PSD2: variants seen among roughly 807,000 people sequenced by gnomAD.
PSD2 encodes PH and SEC7 domain-containing protein 2.
Under a neutral mutation model 69.8 loss-of-function variants are expected in PSD2, and 38 were observed. The observed-to-expected ratio is 0.54, with a 90% CI of 0.42 to 0.71. The LOEUF (loss-of-function observed/expected upper bound fraction) is 0.71, where lower values mean the gene tolerates loss of function less well. Among genes scored for constraint, PSD2 ranks in the 30% least tolerant of loss-of-function variants. The pLI is 0.00. For synonymous variants in PSD2, 412 were observed against 423.0 expected, an observed-to-expected ratio of 0.97 and a Z score of 0.32; for missense variants, 943 against 1,014.5, an observed-to-expected ratio of 0.93 and a Z score of 0.96.
the PSD2 span, among the ~76,000 whole-genome samples, chr5:139,754,744 G>A: frequency 6.6e-6 from 1 of 151,920 alleles, no homozygotes; most frequent in African/African-American, 2.4e-5. Flanking sequence ...CAGTATGGTG[G>A]CACCCACCTG....
intron 1 of PSD2, among the ~76,000 whole-genome samples, chr5:139,803,402 C>T (rs1382978731): frequency 2.0e-5 from 3 of 152,222 alleles, no homozygotes; most frequent in Non-Finnish European, 2.9e-5. Flanking sequence ...CAGCTTGGTT[C>T]CTTGCAGCCC....
the PSD2 span, among the ~76,000 whole-genome samples, chr5:139,786,677 A>G: frequency 6.6e-6 from 1 of 152,068 alleles, no homozygotes; most frequent in African/African-American, 2.4e-5. Context: ...GGAGCATTTC[A>G]CATTTCACCA....
chr5:139,783,943 C>CTTTTTTTTTTTTTTTTTTTTTTTTTTT, the PSD2 span, among the ~76,000 whole-genome samples: 35 of 87,884 alleles, frequency 4.0e-4, 2 homozygotes, highest in Non-Finnish European at 5.0e-4. Flanking sequence ...TCTGCTAGCT[C>CTTTTTTTTTTTTTTTTTTTTTTTTTTT]TTTTTTTTTT....
At chr5:139,823,953 CA>C (rs1760340930) in intron 7 of PSD2, among the ~76,000 whole-genome samples, 1 of 152,180 alleles carries the variant, frequency 6.6e-6, no homozygotes, top group Non-Finnish European at 1.5e-5. Flanking sequence ...TCAGGAAGAG[CA>C]AATATGCGAC....
Position 139,814,562 on chromosome 5 carries a change from C to T in PSD2, c.1016+198C>T, listed in dbSNP as rs75082928. On this transcript the variant is annotated intron_variant, in intron 4 of 14. Coordinates refer to ENST00000274710, the MANE Select transcript of PSD2 (RefSeq NM_032289.4). The surrounding 1 kb of genome is among the most constrained non-coding windows in gnomAD (Gnocchi z 4.4). Reference sequence around the variant, plus strand: ...CTGTTTCCTTTCTGGGCTGCTTGGGCGAAGCTGATGCTCTCGGGGAGGGGT... The same window carrying T: ...CTGTTTCCTTTCTGGGCTGCTTGGGTGAAGCTGATGCTCTCGGGGAGGGGT... Among the ~76,000 whole-genome samples, 971 of 152,060 alleles carry T rather than the reference C, an allele frequency of 6.4e-3. 8 individuals carry two copies. Among genetic ancestry groups the T allele is most frequent in the African/African-American group, 0.022 (913 of 41,438 alleles).
chr5:139,748,943 C>A, the PSD2 span, among the ~76,000 whole-genome samples: 1 of 151,982 alleles, frequency 6.6e-6, no homozygotes, highest in Admixed American at 6.5e-5. Context: ...GTGTCAGTGG[C>A]CCCCTGCGGA....
intron 1 of PSD2, among the ~76,000 whole-genome samples, chr5:139,803,792 T>G (rs561184408): frequency 6.6e-6 from 1 of 152,246 alleles, no homozygotes; most frequent in South Asian, 2.1e-4. Context: ...CCTTCCAAAT[T>G]ATCCTGGGCA....
the PSD2 span, among the ~76,000 whole-genome samples, chr5:139,760,089 G>A: frequency 2.6e-5 from 4 of 152,184 alleles, no homozygotes; most frequent in African/African-American, 9.7e-5. Context: ...CCTGACCTTC[G>A]GTCCTCAATC....
chr5:139,809,582 C>T lies in PSD2; in HGVS notation c.142C>T (p.His48Tyr), dbSNP rs749486846. ...GAACAGCAGCCTCTGCAGCCCAGGG[C>T]ACGAGCGAAGGGGCACCCCAGCGGA... ...GLNSSLCSPG[H>Y]ERRGTPADTE... Residue 48 changes from histidine (H) to tyrosine (Y), a missense_variant, in exon 2 of 15, where the codon CAC becomes TAC. Transcript: ENST00000274710. The T allele has an allele frequency of 1.2e-6, 2 of 1,614,192 alleles. No individual in the cohort carries two copies. The highest frequency in any genetic ancestry group is 1.7e-6 in the Non-Finnish European group (2 of 1,180,008).
the PSD2 span, among the ~76,000 whole-genome samples, chr5:139,748,660 C>G: frequency 6.6e-6 from 1 of 152,326 alleles, no homozygotes; most frequent in Non-Finnish European, 1.5e-5. Context: ...CCAGGCAGCG[C>G]GGGTGCAGAC....
the PSD2 span, among the ~76,000 whole-genome samples, chr5:139,745,820 T>C: frequency 6.6e-6 from 1 of 152,204 alleles, no homozygotes; most frequent in Non-Finnish European, 1.5e-5. Flanking sequence ...GGCCTGCCTC[T>C]GGGGCTGCAT....
Position 139,842,578 on chromosome 5 carries a change from G to A in PSD2, c.*104G>A, listed in dbSNP as rs1183980026. On this transcript the variant is annotated 3_prime_UTR_variant, in exon 15 of 15. Transcript: ENST00000274710. The stretch of plus-strand genomic sequence containing the variant: ...TTGGACCAAGCTCCAGTCAGTTGAT[G>A]GGCAGCTAGAGGGGTGCAGAAAGCC... 1.9e-6 allele frequency: 2 copies of A among 1,044,104 alleles called. No homozygotes were observed. Among genetic ancestry groups the A allele is most frequent in the East Asian group, 2.4e-5 (1 of 41,388 alleles). The allele number at this position is 1,044,104 out of a possible 1,614,324, so 64.7% of individuals were successfully genotyped here.
Position 139,837,850 on chromosome 5 carries a change from C to G in PSD2, c.1823+68C>G. 2.7e-6 allele frequency: 4 copies of G among 1,465,298 alleles called. No homozygotes were observed. In the South Asian group the frequency reaches 3.8e-5, roughly 14 times the overall value. 90.8% of individuals were successfully genotyped at this position (1,465,298 alleles called of 1,614,324 possible). A position where few individuals can be genotyped will look rare whatever the true frequency, so the allele number is the denominator to read the frequency against. On this transcript the variant is annotated intron_variant, in intron 12 of 14. Transcript: ENST00000274710. This position sits in a 1 kb window ranked among gnomAD's most constrained non-coding sequence, Gnocchi z 5.0. ...GGCCACAGTGACCCGGCACACAACCCCTCTCCTTCCCGTGAGTCAGCAACA... is the reference window on the plus strand; with the variant it reads ...GGCCACAGTGACCCGGCACACAACCGCTCTCCTTCCCGTGAGTCAGCAACA...
chr5:139,837,370 G>A lies in PSD2; in HGVS notation c.1665+132G>A. On this transcript the variant is annotated intron_variant, in intron 11 of 14. Transcript: ENST00000274710. The surrounding 1 kb of genome is among the most constrained non-coding windows in gnomAD (Gnocchi z 5.0). ...CATGCTGGGTCCTTCCCCAGACTTG[G>A]GCCCTCTCAGGGCTTTGGAGGTTTT... 1 of 945,196 alleles carries A rather than the reference G, an allele frequency of 1.1e-6. No individual in the cohort carries two copies. The highest frequency in any genetic ancestry group is 1.6e-6 in the Non-Finnish European group (1 of 624,284). The allele number at this position is 945,196 out of a possible 1,614,324, so 58.6% of individuals were successfully genotyped here.
chr5:139,840,825 T>C (rs947351457), intron 14 of PSD2, among the ~76,000 whole-genome samples: 2 of 152,210 alleles, frequency 1.3e-5, no homozygotes, highest in Non-Finnish European at 2.9e-5. Flanking sequence ...GTGCTGGGAT[T>C]ACAGGTGTGA....
the PSD2 span, among the ~76,000 whole-genome samples, chr5:139,770,190 A>G: frequency 1.3e-5 from 2 of 152,328 alleles, no homozygotes; most frequent in South Asian, 4.1e-4. Context: ...GAACGCTGAC[A>G]GCCCTGAGGG....
chr5:139,766,881 T>C, the PSD2 span, among the ~76,000 whole-genome samples: 2 of 150,304 alleles, frequency 1.3e-5, no homozygotes, highest in African/African-American at 2.4e-5. Flanking sequence ...CTTTCTTTCT[T>C]TCTTTCCTTC....
intron 5 of PSD2, among the ~76,000 whole-genome samples, chr5:139,821,402 A>C (rs1331429432): frequency 6.6e-6 from 1 of 152,198 alleles, no homozygotes; most frequent in Admixed American, 6.5e-5. Flanking sequence ...AGAACAAACC[A>C]TCAGGATTTG....
rs1432038077 is a variant in PSD2 at position 139,843,226 on chromosome 5, G to A, written c.*752G>A. 6.6e-6 allele frequency: 1 copy of A among 152,244 alleles called. No homozygotes were observed. Among genetic ancestry groups the A allele is most frequent in the African/African-American group, 2.4e-5 (1 of 41,450 alleles). The allele number at this position is 152,244 out of a possible 1,614,324, so 9.4% of individuals were successfully genotyped here. On this transcript the variant is annotated 3_prime_UTR_variant, in exon 15 of 15. Transcript: ENST00000274710. ...AAAAGCCTATTTTGGAGCTTCCCCTGTTAGGAAGGATGGCTGCACCTGGCC... is the reference window on the plus strand; with the variant it reads ...AAAAGCCTATTTTGGAGCTTCCCCTATTAGGAAGGATGGCTGCACCTGGCC...
Sources: allele counts gnomAD v4.1 joint callset (sites outside exome capture counted in the v4.1 genomes callset), GRCh38; gene constraint gnomAD v4.1.1; non-coding constraint Gnocchi (gnomAD v3.1); transcripts MANE v1.5; gene names NCBI Gene and HGNC (gene_info 2026-07-23, HGNC 2026-07-21).